Variants in CADM2 observed in about 807,000 individuals in gnomAD.
CADM2 encodes cell adhesion molecule 2, also known as immunoglobulin superfamily member 4D.
Under a neutral mutation model 49.8 loss-of-function variants are expected in CADM2, and 12 were observed. The ratio of observed to expected loss-of-function variants is 0.24; its 90% CI spans 0.15 to 0.39. The LOEUF (loss-of-function observed/expected upper bound fraction) is 0.39, where lower values mean the gene tolerates loss of function less well. Among genes scored for constraint, CADM2 ranks in the 10% least tolerant of loss-of-function variants. CADM2 has a pLI of 1.00. For missense variants in CADM2, 378 were observed against 492.3 expected (o/e 0.77, Z 2.20); for synonymous variants, 214 against 175.4 (o/e 1.22, Z -1.74).
intron 1 of CADM2, among the ~76,000 whole-genome samples, chr3:85,327,500 C>T (rs1336700144): frequency 5.3e-5 from 8 of 149,850 alleles, no homozygotes; most frequent in African/African-American, 1.7e-4. Flanking sequence ...TGGTGATTGA[C>T]CTACCTCAGC....
chr3:85,727,716 C>T (rs1429759248), intron 2 of CADM2, among the ~76,000 whole-genome samples: 1 of 152,154 alleles, frequency 6.6e-6, no homozygotes, highest in East Asian at 1.9e-4. Flanking sequence ...CTCCAGGGTA[C>T]AGCATATGAG....
intron 1 of CADM2, among the ~76,000 whole-genome samples, chr3:85,332,038 C>G (rs1259760118): frequency 6.6e-6 from 1 of 151,986 alleles, no homozygotes; most frequent in African/African-American, 2.4e-5. Context: ...TGACCCTACC[C>G]AAGCCATAGT....
At chr3:85,263,860 C>G (rs913261704) in intron 1 of CADM2, among the ~76,000 whole-genome samples, 1 of 152,018 alleles carries the variant, frequency 6.6e-6, no homozygotes, top group African/African-American at 2.4e-5. Flanking sequence ...TTTAAATATG[C>G]AACTATATTT....
In CADM2 at chr3:85,730,440, T is replaced by TAAATAAAATAAAATAAAATA. The variant is rs57097045; in HGVS notation, c.88+3913_88+3932dup. Among the ~76,000 whole-genome samples the TAAATAAAATAAAATAAAATA allele has an allele frequency of 2.9e-3, 429 of 146,082 alleles. 2 individuals are homozygous for TAAATAAAATAAAATAAAATA. The highest frequency in any genetic ancestry group is 9.9e-3 in the African/African-American group (387 of 39,184). ...CTGGGTAACAGAGGCAGACTCTGTC[T>TAAATAAAATAAAATAAAATA]AAATAAAATAAAATAAAATAAAATA... On this transcript the variant is annotated intron_variant, in intron 2 of 9. Coordinates refer to ENST00000383699, the MANE Select transcript of CADM2 (RefSeq NM_001167675.2).
intron 3 of CADM2, among the ~76,000 whole-genome samples, chr3:85,867,710 A>G (rs892915541): frequency 2.0e-5 from 3 of 152,070 alleles, no homozygotes; most frequent in Non-Finnish European, 2.9e-5. Flanking sequence ...AAATTTTTAA[A>G]TTATGCTTAT....
At position 86,065,844 on chromosome 3, in the gene CADM2, TAGAG is replaced by T. The variant is rs908408897; in HGVS notation, c.1096+118_1096+121del. On this transcript the variant is annotated intron_variant, in intron 9 of 9. Coordinates refer to ENST00000383699, the MANE Select transcript of CADM2 (RefSeq NM_001167675.2). ...TCTGTACATGTGTAGAATAGGGAGA[TAGAG>T]AGAAATGCTAAATTATTTCAGCGAA... The T allele has an allele frequency of 5.0e-5, 48 of 951,294 alleles. No homozygotes were observed. In the African/African-American group the frequency reaches 7.5e-4, roughly 15 times the overall value. The allele number at this position is 951,294 out of a possible 1,614,324, so 58.9% of individuals were successfully genotyped here. A position where few individuals can be genotyped will look rare whatever the true frequency, so the allele number is the denominator to read the frequency against.
chr3:85,271,806 A>G (rs61484584), intron 1 of CADM2, among the ~76,000 whole-genome samples: 9,954 of 151,338 alleles, frequency 0.066, 1,070 homozygotes, highest in African/African-American at 0.23. Flanking sequence ...TAAACTGTCA[A>G]AAAAGAACCA....
intron 3 of CADM2, among the ~76,000 whole-genome samples, chr3:85,803,001 A>G (rs2072151028): frequency 6.6e-6 from 1 of 152,054 alleles, no homozygotes; most frequent in African/African-American, 2.4e-5. Context: ...TAGTCTTAAT[A>G]TATTTTTTAA....
At chr3:85,319,420 C>T (rs940687176) in intron 1 of CADM2, among the ~76,000 whole-genome samples, 5 of 152,208 alleles carry the variant, frequency 3.3e-5, no homozygotes, top group Admixed American at 1.3e-4. Context: ...AACTACCGTT[C>T]GACTTAACAA....
chr3:86,041,698 C>A (rs1344413523), intron 8 of CADM2, among the ~76,000 whole-genome samples: 1 of 152,136 alleles, frequency 6.6e-6, no homozygotes, highest in East Asian at 1.9e-4. Flanking sequence ...CAAGGGTATC[C>A]AGGAACTGAA....
intron 1 of CADM2, among the ~76,000 whole-genome samples, chr3:85,612,571 A>T (rs1473983706): frequency 6.6e-6 from 1 of 151,870 alleles, no homozygotes; most frequent in Non-Finnish European, 1.5e-5. Context: ...AACTGAAAAT[A>T]TATTAGTTAA....
intron 3 of CADM2, among the ~76,000 whole-genome samples, chr3:85,847,746 C>T (rs1239832833): frequency 2.6e-5 from 4 of 152,148 alleles, no homozygotes; most frequent in African/African-American, 9.6e-5. Context: ...GCCAGAATCC[C>T]TTAAAAGGCC....
At chr3:85,322,211 G>A (rs763705977) in intron 1 of CADM2, among the ~76,000 whole-genome samples, 1 of 152,184 alleles carries the variant, frequency 6.6e-6, no homozygotes, top group African/African-American at 2.4e-5. Context: ...TATATTCAAT[G>A]TTATAATAAG....
chr3:85,386,929 C>A (rs1576462704), intron 1 of CADM2, among the ~76,000 whole-genome samples: 1 of 152,182 alleles, frequency 6.6e-6, no homozygotes, highest in African/African-American at 2.4e-5. Context: ...AAAAATCATT[C>A]CCTTCAGTAT....
chr3:85,379,228 A>C (rs140668021), intron 1 of CADM2, among the ~76,000 whole-genome samples: 1 of 152,124 alleles, frequency 6.6e-6, no homozygotes, highest in African/African-American at 2.4e-5. Flanking sequence ...CCAAGTAGAA[A>C]ACATGACAGC....
chr3:85,284,114 A>G (rs1386225919), intron 1 of CADM2, among the ~76,000 whole-genome samples: 1 of 152,162 alleles, frequency 6.6e-6, no homozygotes, highest in Non-Finnish European at 1.5e-5. Context: ...ATTAAACTCT[A>G]CGGAATGAAA....
intron 1 of CADM2, among the ~76,000 whole-genome samples, chr3:85,341,445 T>C (rs571857356): frequency 3.9e-5 from 6 of 152,072 alleles, no homozygotes; most frequent in Admixed American, 3.9e-4. Flanking sequence ...TGCTTACCTA[T>C]GTCACTCAAG....
At chr3:85,456,759 A>G (rs1340191091) in intron 1 of CADM2, among the ~76,000 whole-genome samples, 1 of 151,928 alleles carries the variant, frequency 6.6e-6, no homozygotes, top group Admixed American at 6.6e-5. Context: ...GACAAAGTTG[A>G]TGCATACAAA....
intron 1 of CADM2, among the ~76,000 whole-genome samples, chr3:85,197,736 T>C (rs905992671): frequency 3.9e-5 from 6 of 151,952 alleles, no homozygotes; most frequent in African/African-American, 1.2e-4. Flanking sequence ...TCTGATGTTA[T>C]GTTGTTCAAA....
Sources: allele counts gnomAD v4.1 joint callset (sites outside exome capture counted in the v4.1 genomes callset), GRCh38; gene constraint gnomAD v4.1.1; transcripts MANE v1.5; gene names NCBI Gene and HGNC (gene_info 2026-07-23, HGNC 2026-07-21).